NPAS3: variants seen among roughly 807,000 people sequenced by gnomAD.
NPAS3 encodes neuronal PAS domain-containing protein 3.
NPAS3 carries 14 observed loss-of-function variants against 73.1 expected under a neutral mutation model. That is an observed-to-expected ratio of 0.19 (90% CI 0.13 to 0.30). NPAS3 has a LOEUF of 0.30. Ranked by LOEUF, NPAS3 falls within the 10% of genes least tolerant of loss-of-function variation. NPAS3 has a pLI of 1.00. For missense variants in NPAS3, 1,096 were observed against 1,250.0 expected (o/e 0.88, Z 1.86); for synonymous variants, 620 against 541.5 (o/e 1.14, Z -2.01).
At chr14:33,428,435 T>A (rs997565407) in intron 4 of NPAS3, among the ~76,000 whole-genome samples, 4 of 152,150 alleles carry the variant, frequency 2.6e-5, no homozygotes, top group African/African-American at 4.8e-5. Flanking sequence ...TACAGATTTG[T>A]TTATAGATGT....
At chr14:33,615,913 G>C (rs556765719) in intron 5 of NPAS3, among the ~76,000 whole-genome samples, 68 of 152,256 alleles carry the variant, frequency 4.5e-4, no homozygotes, top group African/African-American at 1.6e-3. Flanking sequence ...ATGGCAGTAC[G>C]TTCTTTGGCT....
At chr14:33,229,664 A>T (rs913160212) in intron 3 of NPAS3, among the ~76,000 whole-genome samples, 3 of 152,216 alleles carry the variant, frequency 2.0e-5, no homozygotes, top group Non-Finnish European at 4.4e-5. Context: ...GTTTTAGCAG[A>T]ACAGCTGTTC....
intron 2 of NPAS3, among the ~76,000 whole-genome samples, chr14:33,188,954 C>G (rs1407071330): frequency 6.6e-6 from 1 of 152,064 alleles, no homozygotes; most frequent in African/African-American, 2.4e-5. Context: ...GATTTTGAGA[C>G]AGATTGTTCC....
chr14:33,353,579 C>T (rs1375013657), intron 3 of NPAS3, among the ~76,000 whole-genome samples: 1 of 152,184 alleles, frequency 6.6e-6, no homozygotes, highest in African/African-American at 2.4e-5. Flanking sequence ...TAGGAAGCCT[C>T]AAAACAGCAT....
At position 32,960,575 on chromosome 14, in the gene NPAS3, A is replaced by G. The variant is rs1406277041; in HGVS notation, c.50+21209A>G. On this transcript the variant is annotated intron_variant, in intron 1 of 11. Coordinates refer to ENST00000356141, the Ensembl canonical transcript of NPAS3. The stretch of plus-strand genomic sequence containing the variant: ...TATTTCATGCACTATTACAGCTTTC[A>G]TTAATTCAGAAGTAATAAAAATGGA... 2.6e-5 allele frequency among the ~76,000 whole-genome samples: 4 copies of G among 152,328 alleles called. No homozygotes were observed. The East Asian group carries it at 7.7e-4, about 29-fold the overall frequency.
intron 5 of NPAS3, among the ~76,000 whole-genome samples, chr14:33,578,814 G>T (rs1307158053): frequency 6.6e-6 from 1 of 152,110 alleles, no homozygotes; most frequent in African/African-American, 2.4e-5. Flanking sequence ...ATCATCTAAT[G>T]AAACCACAGG....
chr14:32,962,573 T>C (rs1363941416), intron 1 of NPAS3, among the ~76,000 whole-genome samples: 5 of 139,198 alleles, frequency 3.6e-5, no homozygotes, highest in East Asian at 2.0e-4. Context: ...TCTTTTCTTT[T>C]TTTTTTTTTT....
intron 4 of NPAS3, among the ~76,000 whole-genome samples, chr14:33,377,979 C>T (rs1263332865): frequency 6.6e-6 from 1 of 152,120 alleles, no homozygotes; most frequent in Non-Finnish European, 1.5e-5. Context: ...TAGAGAAGAG[C>T]AATAAGAAAA....
At chr14:33,100,763 A>G (rs2138884031) in intron 2 of NPAS3, among the ~76,000 whole-genome samples, 1 of 152,304 alleles carries the variant, frequency 6.6e-6, no homozygotes, top group South Asian at 2.1e-4. Flanking sequence ...GTTTTAATAA[A>G]TGTGGGAATT....
intron 5 of NPAS3, among the ~76,000 whole-genome samples, chr14:33,593,585 A>G (rs1036627743): frequency 1.5e-4 from 23 of 152,200 alleles, no homozygotes; most frequent in African/African-American, 5.3e-4. Context: ...ATGGGCAACA[A>G]TAGGAGTCCT....
intron 2 of NPAS3, chr14:33,214,693 A>G (rs2047156451): frequency 1.3e-5 from 2 of 154,260 alleles, no homozygotes. Context: ...GGTGAATTGT[A>G]TTCGTGTTTA....
At chr14:33,059,246 T>C (rs1340223609) in intron 2 of NPAS3, among the ~76,000 whole-genome samples, 1 of 152,244 alleles carries the variant, frequency 6.6e-6, no homozygotes, top group Non-Finnish European at 1.5e-5. Context: ...AAGACATTAT[T>C]TTCTATGTTG....
chr14:33,755,390 C>T (rs774609030), intron 7 of NPAS3, among the ~76,000 whole-genome samples: 23 of 152,088 alleles, frequency 1.5e-4, no homozygotes, highest in Admixed American at 3.9e-4. Flanking sequence ...TTAACAGAAG[C>T]CTTCAGATTA....
intron 4 of NPAS3, among the ~76,000 whole-genome samples, chr14:33,472,409 A>G (rs573083797): frequency 6.6e-6 from 1 of 152,318 alleles, no homozygotes; most frequent in Admixed American, 6.5e-5. Flanking sequence ...GGTTTGAGCT[A>G]AGGAGTGACA....
intron 5 of NPAS3, among the ~76,000 whole-genome samples, chr14:33,655,552 T>C (rs1426011708): frequency 6.6e-6 from 1 of 152,126 alleles, no homozygotes; most frequent in Non-Finnish European, 1.5e-5. Flanking sequence ...AGAGAATGGG[T>C]GAGAGAGAAC....
intron 6 of NPAS3, among the ~76,000 whole-genome samples, chr14:33,688,497 T>C (rs2060149161): frequency 6.6e-6 from 1 of 152,038 alleles, no homozygotes; most frequent in Non-Finnish European, 1.5e-5. Context: ...CCCATGCCAC[T>C]CTCTTCTTTC....
chr14:33,005,443 G>A (rs541891819), intron 1 of NPAS3, among the ~76,000 whole-genome samples: 61 of 152,210 alleles, frequency 4.0e-4, no homozygotes, highest in East Asian at 7.7e-4. Context: ...GTCCCATCAC[G>A]TCACAGTTTT....
At chr14:33,577,942 A>C (rs2139858257) in intron 5 of NPAS3, among the ~76,000 whole-genome samples, 1 of 152,276 alleles carries the variant, frequency 6.6e-6, no homozygotes, top group Non-Finnish European at 1.5e-5. Flanking sequence ...GGCAAATAAA[A>C]AGGAGTCTTA....
intron 5 of NPAS3, among the ~76,000 whole-genome samples, chr14:33,634,574 A>G (rs147858456): frequency 0.013 from 2,039 of 152,282 alleles, 23 homozygotes; most frequent in South Asian, 0.026. Context: ...GAGCACCAGG[A>G]GTAGTATATA....
Sources: allele counts gnomAD v4.1 joint callset (sites outside exome capture counted in the v4.1 genomes callset), GRCh38; gene constraint gnomAD v4.1.1; transcripts MANE v1.5; gene names NCBI Gene and HGNC (gene_info 2026-07-23, HGNC 2026-07-21).